NSUN2: variants seen among roughly 807,000 people sequenced by gnomAD.
NSUN2 encodes RNA cytosine C(5)-methyltransferase NSUN2.
NSUN2 carries 63 observed loss-of-function variants against 92.7 expected under a neutral mutation model. The ratio of observed to expected loss-of-function variants is 0.68; its 90% CI spans 0.56 to 0.84. The LOEUF is 0.84. NSUN2 is among the 40% of genes least tolerant of loss of function. The probability of loss-of-function intolerance (pLI) is 0.00; values close to 1 mark genes in which losing one functional copy is unlikely to be tolerated. For missense variants in NSUN2, 989 were observed against 964.9 expected (o/e 1.02, Z -0.33); for synonymous variants, 356 against 348.3 (o/e 1.02, Z -0.25).
At position 6,611,767 on chromosome 5, in the gene NSUN2, T is replaced by C; in HGVS notation, c.1053A>G (p.Glu351=). The change falls in exon 10 of 19, where the codon GAA becomes GAG. Residue 351 remains glutamate, a synonymous_variant. Coordinates refer to ENST00000264670, the MANE Select transcript of NSUN2 (RefSeq NM_017755.6). The stretch of plus-strand genomic sequence containing the variant: ...CAGGCATCCACTTCAGCCCTGGCAG[T>C]TCATTAGACACATCAGCAAGCTCCA... ...GALELADVSN[E]LPGLKWMPGI... is the part of the protein sequence containing the mutation. The C allele has an allele frequency of 6.2e-7, 1 of 1,614,176 alleles. No homozygotes were observed.
Position 6,632,937 on chromosome 5 carries a change from G to A in NSUN2, c.43C>T (p.Arg15Trp), listed in dbSNP as rs1347039588. Reference protein sequence around the residue: ...SRGRRLQQQQRPEDAEDGAEG... With the variant: ...SRGRRLQQQQWPEDAEDGAEG... Reference sequence around the variant, plus strand: ...GCGCCATCCTCCGCGTCCTCCGGCCGCTGCTGTTGCTGGAGCCGCCGACCC... The same window carrying A: ...GCGCCATCCTCCGCGTCCTCCGGCCACTGCTGTTGCTGGAGCCGCCGACCC... The change falls in exon 1 of 19, where the codon CGG becomes TGG. Residue 15 changes from arginine (R) to tryptophan (W), a missense_variant. By Grantham distance (101) the Arg-to-Trp change is moderately radical. Coordinates refer to ENST00000264670, the MANE Select transcript of NSUN2 (RefSeq NM_017755.6). 1.3e-6 allele frequency: 2 copies of A among 1,507,602 alleles called. No homozygotes were observed. The highest frequency in any genetic ancestry group is 1.8e-6 in the Non-Finnish European group (2 of 1,135,778). The allele number at this position is 1,507,602 out of a possible 1,614,324, so 93.4% of individuals were successfully genotyped here.
At chr5:6,617,423 T>C (rs1032041323) in intron 8 of NSUN2, among the ~76,000 whole-genome samples, 2 of 152,146 alleles carry the variant, frequency 1.3e-5, no homozygotes, top group African/African-American at 4.8e-5. Context: ...TCAAAAGTAT[T>C]TGGAAAAAGT....
chr5:6,619,983 A>C, intron 7 of NSUN2, 123 bp downstream of exon 7: 1 of 775,836 alleles, frequency 1.3e-6, no homozygotes, highest in South Asian at 2.4e-5. Context: ...GGCTCACGCT[A>C]TCTTTCTCCG....
At chr5:6,631,235 C>T (rs1309539663) in intron 3 of NSUN2, among the ~76,000 whole-genome samples, 1 of 152,186 alleles carries the variant, frequency 6.6e-6, no homozygotes, top group Admixed American at 6.5e-5. Context: ...CTCCGGAGTT[C>T]TCCAAGCATC....
intron 9 of NSUN2, among the ~76,000 whole-genome samples, chr5:6,614,766 T>C (rs1157287149): frequency 3.5e-4 from 53 of 151,810 alleles, no homozygotes; most frequent in Admixed American, 3.4e-3. Flanking sequence ...GGGGACAATT[T>C]TGCGGTAATG....
chr5:6,604,172 G>T lies in NSUN2; in HGVS notation c.1923C>A (p.Leu641=), dbSNP rs897615519. 15 of 1,613,904 alleles carry T rather than the reference G, an allele frequency of 9.3e-6. No individual in the cohort carries two copies. In the Admixed American group the frequency reaches 1.8e-4, roughly 20 times the overall value. Residue 641 remains leucine, a synonymous_variant, in exon 17 of 19, where the codon CTC becomes CTA. Transcript: ENST00000264670. ...TTGCTTGACTGTAGGTCTCACTGCT[G>T]AGTTTTCTAAAAAAGGGATTTTCCT... ...LTQENPFFRK[L]SSETYSQAKD...
At chr5:6,614,424 C>T (rs1737128561) in intron 9 of NSUN2, among the ~76,000 whole-genome samples, 1 of 152,194 alleles carries the variant, frequency 6.6e-6, no homozygotes, top group African/African-American at 2.4e-5. Flanking sequence ...AGCTCTTCCT[C>T]ACTCCCCCGT....
intron 11 of NSUN2, among the ~76,000 whole-genome samples, chr5:6,610,148 C>T (rs1736928629): frequency 6.6e-6 from 1 of 151,922 alleles, no homozygotes; most frequent in Admixed American, 6.6e-5. Flanking sequence ...ACTGTAGCCT[C>T]CGCCTCCTGG....
intron 17 of NSUN2, among the ~76,000 whole-genome samples, chr5:6,603,154 G>C (rs958031078): frequency 5.9e-5 from 9 of 152,166 alleles, no homozygotes; most frequent in African/African-American, 2.2e-4. Flanking sequence ...AAATAAACAA[G>C]AATGAAGACA....
At chr5:6,616,289 G>A (rs370942293) in intron 9 of NSUN2, among the ~76,000 whole-genome samples, 53 of 152,082 alleles carry the variant, frequency 3.5e-4, no homozygotes, top group Non-Finnish European at 4.0e-4. Context: ...AACAAAATGC[G>A]GTTTATATAA....
At chr5:6,610,018 T>A in intron 11 of NSUN2, 96 bp from the exon 12 acceptor site, 1 of 871,804 alleles carries the variant, frequency 1.1e-6, no homozygotes, top group Non-Finnish European at 1.7e-6. Context: ...AAGAGAAAAA[T>A]CATGTCTTCG....
At chr5:6,613,466 T>C in intron 9 of NSUN2, among the ~76,000 whole-genome samples, 1 of 152,150 alleles carries the variant, frequency 6.6e-6, no homozygotes, top group Non-Finnish European at 1.5e-5. Context: ...GACCAAGAAC[T>C]CCCTCCACCC....
At chr5:6,618,632 A>G (rs549495975) in intron 7 of NSUN2, among the ~76,000 whole-genome samples, 68 of 152,334 alleles carry the variant, frequency 4.5e-4, no homozygotes, top group Admixed American at 3.1e-3. Flanking sequence ...ATTTCAATTA[A>G]GCTAATATAA....
Position 6,622,208 on chromosome 5 carries a change from C to T in NSUN2, c.538-108G>A, listed in dbSNP as rs1024158471. On this transcript the variant is annotated intron_variant, in intron 5 of 18. Transcript: ENST00000264670. Reference sequence around the variant, plus strand: ...ATTTCTAGTCCAAGATCTAAATATACTTCTTTACAGAGTCTATAGCATGAC... The same window carrying T: ...ATTTCTAGTCCAAGATCTAAATATATTTCTTTACAGAGTCTATAGCATGAC... 18 of 826,454 alleles carry T rather than the reference C, an allele frequency of 2.2e-5. No homozygotes were observed. The African/African-American group carries it at 3.1e-4, about 14-fold the overall frequency. The allele number at this position is 826,454 out of a possible 1,614,324, so 51.2% of individuals were successfully genotyped here. A position where few individuals can be genotyped will look rare whatever the true frequency, so the allele number is the denominator to read the frequency against.
chr5:6,610,517 T>G (rs1039607205), intron 11 of NSUN2, among the ~76,000 whole-genome samples: 11 of 151,968 alleles, frequency 7.2e-5, no homozygotes, highest in African/African-American at 2.4e-4. Context: ...GGTGAAACCC[T>G]GTCTCTACTA....
chr5:6,605,757 G>A (rs1017332950), intron 14 of NSUN2, among the ~76,000 whole-genome samples: 1 of 151,482 alleles, frequency 6.6e-6, no homozygotes, highest in African/African-American at 2.4e-5. Context: ...GAGTGCAGTG[G>A]CGCAGTCTCA....
intron 3 of NSUN2, among the ~76,000 whole-genome samples, chr5:6,628,201 AGCTGG>A (rs1195720360): frequency 6.6e-6 from 1 of 152,172 alleles, no homozygotes; most frequent in African/African-American, 2.4e-5. Flanking sequence ...TAGAAAAAAT[AGCTGG>A]GTATGGTGAT....
intron 9 of NSUN2, among the ~76,000 whole-genome samples, chr5:6,613,294 GAAGAC>G (rs374564206): frequency 2.0e-5 from 3 of 152,340 alleles, no homozygotes; most frequent in African/African-American, 7.2e-5. Context: ...TCAACACAGT[GAAGAC>G]TAGAGGAAAA....
intron 3 of NSUN2, among the ~76,000 whole-genome samples, chr5:6,631,431 G>A (rs976999217): frequency 6.6e-6 from 1 of 152,310 alleles, no homozygotes; most frequent in East Asian, 1.9e-4. Flanking sequence ...TCTGTACTGC[G>A]AAGTACCAGG....
Sources: allele counts gnomAD v4.1 joint callset (sites outside exome capture counted in the v4.1 genomes callset), GRCh38; gene constraint gnomAD v4.1.1; transcripts MANE v1.5; gene names NCBI Gene and HGNC (gene_info 2026-07-23, HGNC 2026-07-21).